The following SH3D19 variants were observed in gnomAD, a reference collection of about 807,000 sequenced individuals.
SH3D19 encodes SH3 domain containing 19.
SH3D19 carries 58 observed loss-of-function variants against 112.1 expected under a neutral mutation model. The observed-to-expected ratio is 0.52, with a 90% CI of 0.42 to 0.64. SH3D19 has a LOEUF of 0.64. Among genes scored for constraint, SH3D19 ranks in the 30% least tolerant of loss-of-function variants. SH3D19 has a pLI of 0.00. For missense variants in SH3D19, 1,090 were observed against 1,263.4 expected, an observed-to-expected ratio of 0.86 and a Z score of 2.08; for synonymous variants, 391 against 448.5, an observed-to-expected ratio of 0.87 and a Z score of 1.62.
chr4:151,202,662 T>C (rs573622551), intron 2 of SH3D19, among the ~76,000 whole-genome samples: 46 of 152,302 alleles, frequency 3.0e-4, no homozygotes, highest in South Asian at 1.0e-3. Context: ...TGTGAATGGA[T>C]AGATGGAGGG....
At position 151,137,878 on chromosome 4, in the gene SH3D19, A is replaced by G. The variant is rs777610855; in HGVS notation, c.2297-16T>C. On this transcript the variant is annotated splice_polypyrimidine_tract_variant and intron_variant, in intron 13 of 19. Coordinates refer to ENST00000604030, the MANE Select transcript of SH3D19 (RefSeq NM_001378122.1). ...TCAACTTGCTCTGTAATATAAAATT[A>G]TAGTTATGTATGATGAATCATCCTG... The G allele has an allele frequency of 3.2e-6, 5 of 1,576,220 alleles. No homozygotes were observed. The highest frequency in any genetic ancestry group is 4.3e-6 in the Non-Finnish European group (5 of 1,166,230).
chr4:151,274,889 AG>A lies in SH3D19; in HGVS notation c.113-48804del, dbSNP rs1238597637. ...GGGCCATGAGGGAAGGATTTGTTTCAGGCACCCTAGGCTTGTAAATAGCTGT... is the reference window on the plus strand; with the variant it reads ...GGGCCATGAGGGAAGGATTTGTTTCAGCACCCTAGGCTTGTAAATAGCTGT... On this transcript the variant is annotated intron_variant, in intron 1 of 19. Transcript: ENST00000604030. Among the ~76,000 whole-genome samples, 7 of 152,272 alleles carry A rather than the reference AG, an allele frequency of 4.6e-5. No homozygotes were observed. In the South Asian group the frequency reaches 1.5e-3, roughly 32 times the overall value.
At chr4:151,323,746 A>G (rs1473253070) in intron 1 of SH3D19, among the ~76,000 whole-genome samples, 2 of 152,218 alleles carry the variant, frequency 1.3e-5, no homozygotes, top group African/African-American at 4.8e-5. Context: ...GGTGAAAACT[A>G]ATTACAAAAT....
chr4:151,144,100 T>C, intron 11 of SH3D19, 50 bp from the exon 12 acceptor site: 3 of 1,590,300 alleles, frequency 1.9e-6, no homozygotes, highest in Non-Finnish European at 2.6e-6. Context: ...TAATAAAACA[T>C]TATTACTTTT....
intron 1 of SH3D19, among the ~76,000 whole-genome samples, chr4:151,320,645 C>A (rs1730441338): frequency 6.6e-6 from 1 of 152,162 alleles, no homozygotes; most frequent in African/African-American, 2.4e-5. Flanking sequence ...ACATAACCAA[C>A]AAAAGTTGAG....
intron 7 of SH3D19, among the ~76,000 whole-genome samples, 197 bp downstream of exon 7, chr4:151,174,473 G>A (rs1326505705): frequency 6.6e-6 from 1 of 151,968 alleles, no homozygotes; most frequent in African/African-American, 2.4e-5. Context: ...TTCCCTCCCT[G>A]TCTCCATTCC....
intron 1 of SH3D19, among the ~76,000 whole-genome samples, chr4:151,265,552 T>C (rs1284029841): frequency 3.4e-5 from 5 of 145,300 alleles, no homozygotes; most frequent in Non-Finnish European, 4.5e-5. Flanking sequence ...AATCCTTATA[T>C]TTATTTTATT....
chr4:151,209,816 C>A (rs1765674455), intron 2 of SH3D19, among the ~76,000 whole-genome samples: 1 of 152,132 alleles, frequency 6.6e-6, no homozygotes, highest in African/African-American at 2.4e-5. Flanking sequence ...AAGCTCCGAG[C>A]ATACAGATTT....
chr4:151,296,347 T>C (rs1473668110), intron 1 of SH3D19, among the ~76,000 whole-genome samples: 1 of 152,122 alleles, frequency 6.6e-6, no homozygotes, highest in Non-Finnish European at 1.5e-5. Flanking sequence ...AAATGAAAAG[T>C]TCAACCCCAA....
intron 1 of SH3D19, among the ~76,000 whole-genome samples, chr4:151,322,762 T>C (rs1730680135): frequency 1.3e-5 from 2 of 152,228 alleles, no homozygotes; most frequent in Admixed American, 1.3e-4. Flanking sequence ...CCTGGGGCTC[T>C]TGGCCTTTGA....
At chr4:151,301,374 T>C (rs1445061383) in intron 1 of SH3D19, among the ~76,000 whole-genome samples, 1 of 152,216 alleles carries the variant, frequency 6.6e-6, no homozygotes, top group Non-Finnish European at 1.5e-5. Context: ...ATTACAGACA[T>C]GTGCCACCAC....
chr4:151,195,484 A>C (rs1400084319), intron 2 of SH3D19, among the ~76,000 whole-genome samples: 5 of 152,060 alleles, frequency 3.3e-5, no homozygotes, highest in African/African-American at 7.2e-5. Flanking sequence ...GCACCAAAGA[A>C]AGAAGATTAA....
At chr4:151,226,787 C>A (rs1769077529) in intron 1 of SH3D19, among the ~76,000 whole-genome samples, 1 of 152,148 alleles carries the variant, frequency 6.6e-6, no homozygotes, top group Non-Finnish European at 1.5e-5. Flanking sequence ...GGTCGAGAAA[C>A]CCTGCTATAG....
At position 151,132,332 on chromosome 4, in the gene SH3D19, T is replaced by G. The variant is rs1233708199; in HGVS notation, c.2741A>C (p.Gln914Pro). The change falls in exon 17 of 20, where the codon CAG becomes CCG. Residue 914 changes from glutamine to proline, a missense_variant and splice_region_variant. By Grantham distance (76) the Gln-to-Pro change is moderately conservative. Transcript: ENST00000604030. Reference protein sequence around the residue: ...TKKEDSGSNSQVNSLPAEWCE... With the variant: ...TKKEDSGSNSPVNSLPAEWCE... ...TAGTCATCTGTTCAAGCAGCCTACC[T>G]GAGAGTTTGAGCCAGAATCTTCTTT... 6.2e-7 allele frequency: 1 copy of G among 1,613,922 alleles called. No individual in the cohort carries two copies. The highest frequency in any genetic ancestry group is 8.5e-7 in the Non-Finnish European group (1 of 1,179,854).
intron 11 of SH3D19, among the ~76,000 whole-genome samples, chr4:151,146,544 T>C (rs892533389): frequency 3.3e-5 from 5 of 152,132 alleles, no homozygotes; most frequent in African/African-American, 1.2e-4. Flanking sequence ...GTTGTTGTTT[T>C]GTTTTTTTGA....
chr4:151,142,069 A>G (rs1694630990), intron 12 of SH3D19, among the ~76,000 whole-genome samples: 1 of 152,212 alleles, frequency 6.6e-6, no homozygotes, highest in Non-Finnish European at 1.5e-5. Flanking sequence ...CTGGTAGGTA[A>G]ATATAACATA....
intron 1 of SH3D19, among the ~76,000 whole-genome samples, chr4:151,252,044 G>A (rs116676760): frequency 8.9e-4 from 136 of 152,300 alleles, no homozygotes; most frequent in Middle Eastern, 3.4e-3. Context: ...TTCCTGTGTA[G>A]GAAAATCCGT....
At chr4:151,317,256 G>A (rs778503431) in intron 1 of SH3D19, among the ~76,000 whole-genome samples, 6 of 152,214 alleles carry the variant, frequency 3.9e-5, no homozygotes, top group Non-Finnish European at 8.8e-5. Context: ...AACTATGTCG[G>A]AAGTTATTTT....
At chr4:151,255,906 T>A (rs1390060220) in intron 1 of SH3D19, among the ~76,000 whole-genome samples, 1 of 151,946 alleles carries the variant, frequency 6.6e-6, no homozygotes, top group Admixed American at 6.6e-5. Context: ...ATCGCAGGCA[T>A]TCGGCAGGCT....
Sources: allele counts gnomAD v4.1 joint callset (sites outside exome capture counted in the v4.1 genomes callset), GRCh38; gene constraint gnomAD v4.1.1; transcripts MANE v1.5; gene names NCBI Gene and HGNC (gene_info 2026-07-23, HGNC 2026-07-21).